CDH18: variants seen among roughly 807,000 people sequenced by gnomAD.
CDH18 encodes the protein cadherin-18.
Under a neutral mutation model 67.9 loss-of-function variants are expected in CDH18, and 31 were observed. The observed-to-expected ratio is 0.46, with a 90% confidence interval of 0.34 to 0.62. CDH18 has a LOEUF of 0.62. Among genes scored for constraint, CDH18 ranks in the 20% least tolerant of loss-of-function variants. The probability of loss-of-function intolerance (pLI) is 0.01; values close to 1 mark genes in which losing one functional copy is unlikely to be tolerated. For missense variants in CDH18, 890 were observed against 975.5 expected, an observed-to-expected ratio of 0.91 and a Z score of 1.17; for synonymous variants, 362 against 347.2, an observed-to-expected ratio of 1.04 and a Z score of -0.48.
intron 1 of CDH18, among the ~76,000 whole-genome samples, chr5:20,465,078 G>C (rs547131846): frequency 1.3e-5 from 2 of 152,230 alleles, no homozygotes; most frequent in Admixed American, 6.5e-5. Context: ...AATGACACGA[G>C]AGAATAGACC....
chr5:20,290,805 T>C (rs1747048662), intron 1 of CDH18, among the ~76,000 whole-genome samples: 1 of 151,962 alleles, frequency 6.6e-6, no homozygotes, highest in South Asian at 2.1e-4. Flanking sequence ...AGGCAGAAGG[T>C]GGAAGTGTGG....
chr5:20,459,808 C>G (rs553145238), intron 1 of CDH18, among the ~76,000 whole-genome samples: 1 of 152,280 alleles, frequency 6.6e-6, no homozygotes, highest in East Asian at 1.9e-4. Flanking sequence ...AATTACCTTT[C>G]CTCTTGTTCC....
chr5:20,575,451 C>T (rs1245563800), intron 1 of CDH18: 1 of 152,086 alleles, frequency 6.6e-6, no homozygotes, highest in Non-Finnish European at 1.5e-5. Flanking sequence ...ATAAAAATTG[C>T]ATTTCCTTAC....
intron 1 of CDH18, among the ~76,000 whole-genome samples, chr5:20,502,963 T>C (rs1754422689): frequency 6.6e-6 from 1 of 151,230 alleles, no homozygotes; most frequent in Admixed American, 6.6e-5. Context: ...GAATAAATTC[T>C]GCTTTTATGA....
intron 2 of CDH18, among the ~76,000 whole-genome samples, chr5:20,231,461 T>TG (rs1191235586): frequency 6.6e-6 from 1 of 151,316 alleles, no homozygotes; most frequent in Non-Finnish European, 1.5e-5. Context: ...ATTAGCAGGG[T>TG]GGGGTGGCGC....
chr5:20,000,175 T>A (rs187392165), intron 2 of CDH18, among the ~76,000 whole-genome samples: 1 of 152,306 alleles, frequency 6.6e-6, no homozygotes, highest in Admixed American at 6.5e-5. Flanking sequence ...AATATAGGGA[T>A]GGCGTTGGCC....
chr5:20,548,892 A>T (rs971682167), intron 1 of CDH18, among the ~76,000 whole-genome samples: 1 of 152,122 alleles, frequency 6.6e-6, no homozygotes, highest in Non-Finnish European at 1.5e-5. Context: ...GGTGAAAGAG[A>T]GAAGTTGGCA....
rs1739813560 is a variant in CDH18, at chr5:19,483,394, C to A, written c.1789G>T (p.Val597Leu). ...AAGGCTTCTGCATGGCAGGTCCGCA[C>A]ACGCCCATCTCTCTCGCATGCACAA... ...RVCACERDGR[V>L]RTCHAEAFLS... Residue 597 changes from valine to leucine, a missense_variant, in exon 12 of 13, where the codon GTG (valine) becomes TTG (leucine). Around this residue, in one of 2 missense-constraint regions of CDH18, gnomAD observed 656 missense variants for 668.1 expected, o/e 0.98. Coordinates refer to ENST00000382275, the MANE Select transcript of CDH18 (RefSeq NM_004934.5). 6.2e-7 allele frequency: 1 copy of A among 1,614,116 alleles called. No homozygotes were observed. The highest frequency in any genetic ancestry group is 2.2e-5 in the East Asian group (1 of 44,846).
intron 2 of CDH18, among the ~76,000 whole-genome samples, chr5:19,884,437 A>G (rs1159393690): frequency 6.6e-6 from 1 of 152,104 alleles, no homozygotes; most frequent in African/African-American, 2.4e-5. Context: ...CTTTGAGGCT[A>G]ATTTCTATTT....
chr5:20,078,753 C>A (rs1414500529), intron 2 of CDH18, among the ~76,000 whole-genome samples: 1 of 151,846 alleles, frequency 6.6e-6, no homozygotes, highest in African/African-American at 2.4e-5. Flanking sequence ...CAGGCTCCTG[C>A]CACCACGCCC....
intron 8 of CDH18, among the ~76,000 whole-genome samples, chr5:19,555,338 G>C (rs945417087): frequency 1.3e-5 from 2 of 152,196 alleles, no homozygotes; most frequent in African/African-American, 4.8e-5. Flanking sequence ...TTGTGAGTTG[G>C]CTTGCTTTCT....
chr5:19,977,597 T>A (rs1445817876), intron 2 of CDH18, among the ~76,000 whole-genome samples: 2 of 152,178 alleles, frequency 1.3e-5, no homozygotes, highest in Non-Finnish European at 2.9e-5. Flanking sequence ...AGGGCTTTTA[T>A]AACCAGGTAT....
At chr5:19,720,293 T>C (rs1460907494) in intron 5 of CDH18, among the ~76,000 whole-genome samples, 1 of 152,140 alleles carries the variant, frequency 6.6e-6, no homozygotes, top group East Asian at 1.9e-4. Flanking sequence ...AGCTCCTTTT[T>C]GTATTAGTTA....
chr5:19,817,507 C>T (rs1340628284), intron 3 of CDH18, among the ~76,000 whole-genome samples: 1 of 151,988 alleles, frequency 6.6e-6, no homozygotes, highest in Admixed American at 6.6e-5. Flanking sequence ...GGGGTGAGTA[C>T]ATCAGTGAAA....
chr5:19,854,772 C>CT (rs1225743426), intron 2 of CDH18, among the ~76,000 whole-genome samples: 2 of 151,986 alleles, frequency 1.3e-5, no homozygotes, highest in Admixed American at 1.3e-4. Flanking sequence ...TTTATTTTAA[C>CT]TTTTTAATTT....
At chr5:19,928,190 C>T (rs1793294148) in intron 2 of CDH18, among the ~76,000 whole-genome samples, 1 of 152,088 alleles carries the variant, frequency 6.6e-6, no homozygotes, top group Non-Finnish European at 1.5e-5. Context: ...AGTCCAAAGA[C>T]ACTTAGACCA....
intron 1 of CDH18, among the ~76,000 whole-genome samples, chr5:20,468,006 G>GCATTTATT: frequency 6.7e-6 from 1 of 148,592 alleles, no homozygotes; most frequent in East Asian, 2.0e-4. Context: ...ATTTATTTAT[G>GCATTTATT]TATTTATTTA....
intron 5 of CDH18, among the ~76,000 whole-genome samples, chr5:19,635,526 T>G (rs1436547872): frequency 6.6e-6 from 1 of 152,172 alleles, no homozygotes; most frequent in African/African-American, 2.4e-5. Flanking sequence ...CAAAGTCATC[T>G]TTGGTAGTTG....
chr5:19,920,749 T>C (rs1026947880), intron 2 of CDH18, among the ~76,000 whole-genome samples: 3 of 151,956 alleles, frequency 2.0e-5, no homozygotes, highest in African/African-American at 4.8e-5. Context: ...CCTGACTCCA[T>C]GATCCACCCG....
Sources: allele counts gnomAD v4.1 joint callset (sites outside exome capture counted in the v4.1 genomes callset), GRCh38; gene constraint gnomAD v4.1.1; regional missense constraint gnomAD v4.1.1; transcripts MANE v1.5; gene names NCBI Gene and HGNC (gene_info 2026-07-23, HGNC 2026-07-21).